Variants in PCDHGA4 observed in about 807,000 individuals in gnomAD.
PCDHGA4 encodes protocadherin gamma subfamily A, 4, also known as protocadherin gamma-A4.
Under a neutral mutation model 54.6 loss-of-function variants are expected in PCDHGA4, and 38 were observed. That is an observed-to-expected ratio of 0.70 (90% CI 0.54 to 0.91). The LOEUF (loss-of-function observed/expected upper bound fraction) is 0.91. PCDHGA4 is among the 40% of genes least tolerant of loss of function. The pLI is 0.00. For synonymous variants in PCDHGA4, 511 were observed against 512.9 expected (o/e 1.00, Z 0.05); for missense variants, 1,298 against 1,220.9 (o/e 1.06, Z -0.94).
intron 1 of PCDHGA4, chr5:141,394,509 G>A (rs367855808): frequency 6.2e-7 from 1 of 1,614,146 alleles, no homozygotes; most frequent in Non-Finnish European, 8.5e-7. Context: ...CCTGTACCCC[G>A]CCCTCCCCAC....
At chr5:141,386,155 C>T (rs763846568) in intron 1 of PCDHGA4, among the ~76,000 whole-genome samples, 3 of 152,278 alleles carry the variant, frequency 2.0e-5, no homozygotes, top group South Asian at 2.1e-4. Flanking sequence ...AACTGTCTCA[C>T]GTACTCAAAC....
intron 1 of PCDHGA4, chr5:141,376,127 G>T (rs1331529697): frequency 3.7e-6 from 6 of 1,613,710 alleles, no homozygotes; most frequent in Non-Finnish European, 5.1e-6. Flanking sequence ...CGAGCCCTCC[G>T]CCAAACCCAA....
At chr5:141,366,464 C>A in intron 1 of PCDHGA4, 8 of 1,614,226 alleles carry the variant, frequency 5.0e-6, no homozygotes, top group Non-Finnish European at 6.8e-6. Context: ...CATCGTGCTG[C>A]TGGTGCTCAG....
chr5:141,487,127 A>T lies in PCDHGA4; in HGVS notation c.2515-7680A>T. ...GGTCATTGTGGTAAAGGATAGTGGT[A>T]GTCCACCACTCTCTACCTCTGTTAC... On this transcript the variant is annotated intron_variant, in intron 1 of 3. Coordinates refer to ENST00000571252, the MANE Select transcript of PCDHGA4 (RefSeq NM_018917.4). The surrounding 1 kb of genome is among the most constrained non-coding windows in gnomAD (Gnocchi z 5.0). 6.2e-7 allele frequency: 1 copy of T among 1,613,334 alleles called. No individual in the cohort carries two copies. Among genetic ancestry groups the T allele is most frequent in the Admixed American group, 1.7e-5 (1 of 60,026 alleles).
chr5:141,361,468 G>C, intron 1 of PCDHGA4: 3 of 1,614,008 alleles, frequency 1.9e-6, no homozygotes, highest in Non-Finnish European at 2.5e-6. Context: ...CATCTCCGAC[G>C]TCAACGATAA....
At chr5:141,492,121 C>G (rs1205499685) in intron 1 of PCDHGA4, among the ~76,000 whole-genome samples, 1 of 152,232 alleles carries the variant, frequency 6.6e-6, no homozygotes, top group Non-Finnish European at 1.5e-5. Context: ...CGATTTCTCC[C>G]CAGCTCCCAG....
intron 1 of PCDHGA4, chr5:141,423,465 G>T: frequency 6.2e-7 from 1 of 1,614,006 alleles, no homozygotes; most frequent in South Asian, 1.1e-5. Context: ...GCGTGGACGG[G>T]GTACAGGCTT....
chr5:141,419,470 G>A (rs2096387963), intron 1 of PCDHGA4: 1 of 1,612,362 alleles, frequency 6.2e-7, no homozygotes, highest in African/African-American at 1.3e-5. Context: ...CCCGCGACCA[G>A]GGCTCGCCCG....
At position 141,431,566 on chromosome 5, in the gene PCDHGA4, T is replaced by G; in HGVS notation, c.2515-63241T>G. ...TGCTTGTAGTCAACGCTACCGACCCTGACGAAGGAGTCAATGCGGAAGTGA... is the reference window on the plus strand; with the variant it reads ...TGCTTGTAGTCAACGCTACCGACCCGGACGAAGGAGTCAATGCGGAAGTGA... On this transcript the variant is annotated intron_variant, in intron 1 of 3. Transcript: ENST00000571252. This position sits in a 1 kb window ranked among gnomAD's most constrained non-coding sequence, Gnocchi z 4.8. 6.2e-7 allele frequency: 1 copy of G among 1,614,128 alleles called. No homozygotes were observed. The highest frequency in any genetic ancestry group is 1.1e-5 in the South Asian group (1 of 91,088).
Position 141,380,667 on chromosome 5 carries a change from T to C in PCDHGA4, c.2514+23046T>C, listed in dbSNP as rs552117625. On this transcript the variant is annotated intron_variant, in intron 1 of 3. Coordinates refer to ENST00000571252, the MANE Select transcript of PCDHGA4 (RefSeq NM_018917.4). Reference sequence around the variant, plus strand: ...AGAGACAATGAAGCCATTTACTCCATAGGGTATGTATGCTTTGTGTTCGGA... The same window carrying C: ...AGAGACAATGAAGCCATTTACTCCACAGGGTATGTATGCTTTGTGTTCGGA... Among the ~76,000 whole-genome samples the C allele has an allele frequency of 2.6e-5, 4 of 152,244 alleles. No homozygotes were observed. The East Asian group carries it at 5.8e-4, about 22-fold the overall frequency.
intron 1 of PCDHGA4, among the ~76,000 whole-genome samples, chr5:141,460,317 A>G (rs1045494740): frequency 4.6e-5 from 7 of 152,260 alleles, no homozygotes; most frequent in African/African-American, 1.7e-4. Flanking sequence ...CTCCTTGCCT[A>G]CTGAAAACTT....
chr5:141,508,627 C>T (rs566012494), intron 3 of PCDHGA4, among the ~76,000 whole-genome samples: 1 of 152,262 alleles, frequency 6.6e-6, no homozygotes, highest in South Asian at 2.1e-4. Flanking sequence ...GTGGGCCGAG[C>T]TTCTAGCTAC....
chr5:141,383,440 G>A, intron 1 of PCDHGA4: 1 of 1,613,950 alleles, frequency 6.2e-7, no homozygotes, highest in Non-Finnish European at 8.5e-7. Context: ...CTTCTCCCTG[G>A]CTGTGCAAAG....
intron 1 of PCDHGA4, among the ~76,000 whole-genome samples, chr5:141,369,320 G>T (rs775938147): frequency 6.6e-6 from 1 of 152,104 alleles, no homozygotes. Flanking sequence ...TACTTGAGAA[G>T]AAACAGTACA....
At chr5:141,430,244 A>G (rs903055705) in intron 1 of PCDHGA4, among the ~76,000 whole-genome samples, 1 of 105,606 alleles carries the variant, frequency 9.5e-6, no homozygotes, top group Non-Finnish European at 1.8e-5. Context: ...AGAAACTCCT[A>G]GGGAGACATC....
chr5:141,431,092 G>A lies in PCDHGA4; in HGVS notation c.2515-63715G>A. On this transcript the variant is annotated intron_variant, in intron 1 of 3. Coordinates refer to ENST00000571252, the MANE Select transcript of PCDHGA4 (RefSeq NM_018917.4). This position sits in a 1 kb window ranked among gnomAD's most constrained non-coding sequence, Gnocchi z 4.8. ...AATTAAATCTAGACATTCTGATGGAGGATAAAGTGAAAATATATGGAGTAG... is the reference window on the plus strand; with the variant it reads ...AATTAAATCTAGACATTCTGATGGAAGATAAAGTGAAAATATATGGAGTAG... 1 of 1,614,252 alleles carries A rather than the reference G, an allele frequency of 6.2e-7. No individual in the cohort carries two copies. The highest frequency in any genetic ancestry group is 1.1e-5 in the South Asian group (1 of 91,090).
intron 1 of PCDHGA4, chr5:141,404,265 T>A: frequency 6.2e-7 from 1 of 1,613,998 alleles, no homozygotes; most frequent in Non-Finnish European, 8.5e-7. Context: ...GAAATTCACA[T>A]CACCCTGCAA....
rs756770023 is a variant in PCDHGA4 at position 141,383,289 on chromosome 5, T to C, written c.2514+25668T>C. ...AAATAATAGATATTAATGACAACGT[T>C]CCAAGATTCTTGACGGAAGAAATAA... On this transcript the variant is annotated intron_variant, in intron 1 of 3. Coordinates refer to ENST00000571252, the MANE Select transcript of PCDHGA4 (RefSeq NM_018917.4). The C allele has an allele frequency of 1.9e-6, 3 of 1,613,914 alleles. No individual in the cohort carries two copies. In the South Asian group the frequency reaches 3.3e-5, roughly 18 times the overall value.
At chr5:141,389,871 G>A (rs199638280) in intron 1 of PCDHGA4, 73 of 1,613,938 alleles carry the variant, frequency 4.5e-5, no homozygotes, top group Non-Finnish European at 5.8e-5. Flanking sequence ...CCTGGTCTTC[G>A]CCGACAGCTT....
Sources: allele counts gnomAD v4.1 joint callset (sites outside exome capture counted in the v4.1 genomes callset), GRCh38; gene constraint gnomAD v4.1.1; non-coding constraint Gnocchi (gnomAD v3.1); transcripts MANE v1.5; gene names NCBI Gene and HGNC (gene_info 2026-07-23, HGNC 2026-07-21).